The following CAMTA1 variants were observed in gnomAD, a reference collection of about 807,000 sequenced individuals.
CAMTA1 encodes the protein calmodulin binding transcription activator 1, also known as calmodulin-binding transcription activator 1.
CAMTA1 carries 27 observed loss-of-function variants against 170.9 expected under a neutral mutation model. The observed-to-expected ratio is 0.16, with a 90% confidence interval of 0.12 to 0.22. CAMTA1 has a LOEUF of 0.22. Ranked by LOEUF, CAMTA1 falls within the 10% of genes least tolerant of loss-of-function variation. The probability of loss-of-function intolerance (pLI) is 1.00; values close to 1 mark genes in which losing one functional copy is unlikely to be tolerated. For missense variants in CAMTA1, 1,619 were observed against 2,217.2 expected (o/e 0.73, Z 5.42); for synonymous variants, 833 against 891.5 (o/e 0.93, Z 1.17).
intron 4 of CAMTA1, among the ~76,000 whole-genome samples, chr1:7,208,443 A>G (rs529618879): frequency 5.9e-5 from 9 of 152,216 alleles, no homozygotes; most frequent in Non-Finnish European, 8.8e-5. Context: ...ATGCTGTGGA[A>G]TTTTTGCCAG....
intron 3 of CAMTA1, among the ~76,000 whole-genome samples, chr1:6,846,849 A>G (rs1219405488): frequency 6.6e-6 from 1 of 152,186 alleles, no homozygotes; most frequent in Non-Finnish European, 1.5e-5. Context: ...AATTGGAAGT[A>G]AATAAAAGGC....
chr1:7,251,748 G>A lies in CAMTA1; in HGVS notation c.438+2122G>A, dbSNP rs1255891079. Among the ~76,000 whole-genome samples the A allele has an allele frequency of 6.6e-6, 1 of 152,166 alleles. No homozygotes were observed. The highest frequency in any genetic ancestry group is 1.5e-5 in the Non-Finnish European group (1 of 68,028). The stretch of plus-strand genomic sequence containing the variant: ...AGTGCTGAGACGCAGAGCAGCCTGG[G>A]CTTTTATGATAAGCATCCCGGGAGT... On this transcript the variant is annotated intron_variant, in intron 5 of 22. Coordinates refer to ENST00000303635, the MANE Select transcript of CAMTA1 (RefSeq NM_015215.4). The surrounding 1 kb of genome is among the most constrained non-coding windows in gnomAD (Gnocchi z 5.1).
intron 5 of CAMTA1, among the ~76,000 whole-genome samples, chr1:7,372,694 A>G (rs752375682): frequency 3.3e-5 from 5 of 152,200 alleles, no homozygotes; most frequent in Admixed American, 6.5e-5. Flanking sequence ...TGTAGGAGCT[A>G]ATTTGATACC....
intron 3 of CAMTA1, among the ~76,000 whole-genome samples, chr1:6,913,908 G>A (rs1680224184): frequency 6.6e-6 from 1 of 152,048 alleles, no homozygotes; most frequent in African/African-American, 2.4e-5. Flanking sequence ...TAGTATTTTT[G>A]TCTGGAGCAC....
intron 3 of CAMTA1, among the ~76,000 whole-genome samples, chr1:6,879,787 ATTT>A (rs760715822): frequency 3.8e-5 from 5 of 129,984 alleles, no homozygotes; most frequent in Admixed American, 7.6e-5. Flanking sequence ...GCTGCGCCTA[ATTT>A]TTTTTTTTTT....
At chr1:7,713,435 C>A (rs1172552926) in intron 11 of CAMTA1, among the ~76,000 whole-genome samples, 1 of 151,914 alleles carries the variant, frequency 6.6e-6, no homozygotes, top group Non-Finnish European at 1.5e-5. Flanking sequence ...TAAGAACTGC[C>A]CCCCAGCCCC....
intron 6 of CAMTA1, among the ~76,000 whole-genome samples, chr1:7,573,128 A>T (rs775019151): frequency 7.2e-5 from 11 of 152,238 alleles, no homozygotes; most frequent in Non-Finnish European, 1.5e-4. Context: ...ATGGAGTGGC[A>T]TGCAGGAACA....
intron 5 of CAMTA1, among the ~76,000 whole-genome samples, chr1:7,397,057 T>C (rs1268958003): frequency 1.3e-5 from 2 of 152,208 alleles, no homozygotes; most frequent in Non-Finnish European, 2.9e-5. Flanking sequence ...TTGGAATCGT[T>C]TGGAAAACAT....
In CAMTA1 at chr1:7,570,156, G is replaced by T. The variant is rs925146852; in HGVS notation, c.511-70244G>T. On this transcript the variant is annotated intron_variant, in intron 6 of 22. Transcript: ENST00000303635. This position sits in a 1 kb window ranked among gnomAD's most constrained non-coding sequence, Gnocchi z 4.3. Reference sequence around the variant, plus strand: ...ATCAGGGATCCCTTGCTGGGCACTGGGGGGATCCAAAACTCCCTGCAGGAC... The same window carrying T: ...ATCAGGGATCCCTTGCTGGGCACTGTGGGGATCCAAAACTCCCTGCAGGAC... Among the ~76,000 whole-genome samples, 6 of 120,268 alleles carry T rather than the reference G, an allele frequency of 5.0e-5. No homozygotes were observed. The highest frequency in any genetic ancestry group is 1.7e-4 in the Admixed American group (2 of 11,836). 78.9% of individuals were successfully genotyped at this position (120,268 alleles called of 152,430 possible). A position where few individuals can be genotyped will look rare whatever the true frequency, so the allele number is the denominator to read the frequency against.
chr1:7,656,476 C>A (rs2095904107), intron 7 of CAMTA1, among the ~76,000 whole-genome samples: 1 of 152,254 alleles, frequency 6.6e-6, no homozygotes, highest in Non-Finnish European at 1.5e-5. Flanking sequence ...GTAATTACCT[C>A]CTTAAAAGTC....
At chr1:6,803,256 G>A (rs992945914) in intron 1 of CAMTA1, among the ~76,000 whole-genome samples, 2 of 152,230 alleles carry the variant, frequency 1.3e-5, no homozygotes, top group African/African-American at 4.8e-5. Flanking sequence ...GGATGGAGAT[G>A]TGTATCCTTA....
intron 5 of CAMTA1, among the ~76,000 whole-genome samples, chr1:7,449,745 G>A (rs2092771224): frequency 6.8e-6 from 1 of 146,482 alleles, no homozygotes; most frequent in Admixed American, 6.9e-5. Context: ...ACTCCAGTCT[G>A]GGCAACAGAG....
At chr1:7,087,462 TG>T (rs1031955763) in intron 3 of CAMTA1, among the ~76,000 whole-genome samples, 2 of 152,150 alleles carry the variant, frequency 1.3e-5, no homozygotes, top group African/African-American at 4.8e-5. Flanking sequence ...GAGGTGGGGC[TG>T]GGAAGTGACC....
chr1:6,825,233 G>A (rs745923183), intron 3 of CAMTA1, 23 bp downstream of exon 3: 2 of 1,402,320 alleles, frequency 1.4e-6, no homozygotes, highest in South Asian at 2.5e-5. Flanking sequence ...CTTTTTTTAA[G>A]GGTATAATTA....
intron 3 of CAMTA1, among the ~76,000 whole-genome samples, chr1:6,966,049 A>C (rs1423899007): frequency 6.6e-6 from 1 of 152,056 alleles, no homozygotes; most frequent in African/African-American, 2.4e-5. Context: ...GGAGAGGAGA[A>C]GGAGTTAGGC....
At chr1:7,640,289 G>A (rs2095750586) in intron 6 of CAMTA1, 111 bp from the exon 7 acceptor site, 2 of 1,186,386 alleles carry the variant, frequency 1.7e-6, no homozygotes, top group Non-Finnish European at 2.4e-6. Flanking sequence ...GGTCAAGAGA[G>A]CCGGGTGTCT....
At chr1:7,235,783 T>C (rs1663725337) in intron 4 of CAMTA1, among the ~76,000 whole-genome samples, 1 of 152,192 alleles carries the variant, frequency 6.6e-6, no homozygotes, top group African/African-American at 2.4e-5. Flanking sequence ...GACAAATCTA[T>C]CTAGTCGTTT....
chr1:7,343,631 T>C (rs845274), intron 5 of CAMTA1, among the ~76,000 whole-genome samples: 104,392 of 152,072 alleles, frequency 0.69, 36,013 homozygotes, highest in East Asian at 0.82. Context: ...GGCTCTTCTC[T>C]GTCCCTCCCC....
At chr1:7,462,116 G>C (rs1467235267) in intron 5 of CAMTA1, among the ~76,000 whole-genome samples, 1 of 152,174 alleles carries the variant, frequency 6.6e-6, no homozygotes, top group Non-Finnish European at 1.5e-5. Context: ...GGCCAAATCC[G>C]GCCCACTACC....
Sources: gnomAD v4.1 joint callset for allele counts (sites outside exome capture counted in the v4.1 genomes callset) on GRCh38, gnomAD v4.1.1 for gene constraint, Gnocchi (gnomAD v3.1) non-coding constraint, MANE v1.5 for transcripts, NCBI Gene and HGNC (gene_info 2026-07-23, HGNC 2026-07-21) for gene names.